Variants in S100Z observed in about 807,000 individuals in gnomAD.
The protein encoded by S100Z is S100 calcium binding protein Z.
In S100Z, 11 loss-of-function variants were observed where a neutral mutation model predicts 8.5. The observed-to-expected ratio is 1.30, with a 90% CI of 0.82 to 2.15. The LOEUF (loss-of-function observed/expected upper bound fraction) is 2.15. S100Z is among the 30% of genes most tolerant of loss of function. The pLI, the probability that S100Z is intolerant of heterozygous loss-of-function variation, is 0.00. For missense variants in S100Z, 126 were observed against 117.9 expected, an observed-to-expected ratio of 1.07 and a Z score of -0.32; for synonymous variants, 34 against 43.8, an observed-to-expected ratio of 0.78 and a Z score of 0.89.
At chr5:76,949,493 T>C in the S100Z span, among the ~76,000 whole-genome samples, 1 of 152,218 alleles carries the variant, frequency 6.6e-6, no homozygotes, top group African/African-American at 2.4e-5. Flanking sequence ...GAAATCAGTA[T>C]GTTGAAGACA....
rs1332763673 is a variant in S100Z at position 76,850,333 on chromosome 5, GGGGA to G, written c.-176+180_-176+183del. On this transcript the variant is annotated intron_variant, in intron 1 of 4. Coordinates refer to ENST00000317593, the MANE Select transcript of S100Z (RefSeq NM_130772.4). ...TGGCCACAAAGGGGTCGGGGGGGTG[GGGGA>G]GAGAGAGAGAGAGAGAGAGAGGGAG... is the stretch of plus-strand genomic sequence containing the variant. Among the ~76,000 whole-genome samples, 53 of 122,592 alleles carry G rather than the reference GGGGA, an allele frequency of 4.3e-4. No homozygotes were observed. The South Asian group carries it at 0.011, about 25-fold the overall frequency. The allele number at this position is 122,592 out of a possible 152,430, so 80.4% of individuals were successfully genotyped here. A position where few individuals can be genotyped will look rare whatever the true frequency, so the allele number is the denominator to read the frequency against.
chr5:76,879,537 C>T (rs554693062), intron 4 of S100Z, among the ~76,000 whole-genome samples: 1 of 152,080 alleles, frequency 6.6e-6, no homozygotes, highest in Non-Finnish European at 1.5e-5. Flanking sequence ...TATTGGACAT[C>T]CAGGTGGAGA....
At chr5:76,883,862 AGGAGTTTCT>A (rs1743499449) in intron 4 of S100Z, among the ~76,000 whole-genome samples, 1 of 152,182 alleles carries the variant, frequency 6.6e-6, no homozygotes, top group Admixed American at 6.5e-5. Context: ...CTCCTGGGGA[AGGAGTTTCT>A]GGAGGAACCC....
Position 76,860,701 on chromosome 5 carries a change from GC to G in S100Z, c.-175-9463del, listed in dbSNP as rs903333690. ...TTGTTTAAACTGTGATAAGTTAAAA[GC>G]CTATTATTAATTCTGTTAAGATATT... On this transcript the variant is annotated intron_variant, in intron 1 of 4. Transcript: ENST00000317593. Among the ~76,000 whole-genome samples, 111 of 152,262 alleles carry G rather than the reference GC, an allele frequency of 7.3e-4. 1 individual carries two copies. Among genetic ancestry groups the G allele is most frequent in the African/African-American group, 2.6e-3 (107 of 41,544 alleles).
intron 4 of S100Z, among the ~76,000 whole-genome samples, chr5:76,906,976 G>GTATATA (rs869046562): frequency 2.6e-3 from 57 of 21,708 alleles, no homozygotes; most frequent in African/African-American, 3.6e-3. Context: ...TTGTGTGTGT[G>GTATATA]TATATATATA....
Position 76,883,533 on chromosome 5 carries a change from T to G in S100Z, c.*2+5699T>G, listed in dbSNP as rs1178787007. Among the ~76,000 whole-genome samples the G allele has an allele frequency of 3.3e-5, 5 of 152,126 alleles. No homozygotes were observed. In the East Asian group the frequency reaches 7.7e-4, roughly 23 times the overall value. On this transcript the variant is annotated intron_variant, in intron 4 of 4. Transcript: ENST00000317593. ...CTTTGAAAAGAAGGTAATGTGGAGT[T>G]GGTAGCCTCCTTATTGATTAAGAAG...
downstream of S100Z, among the ~76,000 whole-genome samples, chr5:76,925,818 T>C (rs1277061027): frequency 6.6e-6 from 1 of 151,906 alleles, no homozygotes; most frequent in Admixed American, 6.6e-5. Context: ...AATACAAATT[T>C]TAGCAGGGTG....
intron 1 of S100Z, among the ~76,000 whole-genome samples, chr5:76,854,664 T>A (rs1172197152): frequency 1.3e-5 from 2 of 152,228 alleles, no homozygotes; most frequent in African/African-American, 4.8e-5. Flanking sequence ...TGTAAAAGTT[T>A]GGAAAATTTG....
At chr5:76,910,986 C>T (rs1418596624) in intron 4 of S100Z, among the ~76,000 whole-genome samples, 1 of 152,266 alleles carries the variant, frequency 6.6e-6, no homozygotes, top group Middle Eastern at 3.4e-3. Context: ...GATATATTAG[C>T]CAAGGCTGGA....
chr5:76,906,974 G>GTA (rs1744455090), intron 4 of S100Z, among the ~76,000 whole-genome samples: 4 of 114,718 alleles, frequency 3.5e-5, no homozygotes, highest in African/African-American at 2.2e-4. Flanking sequence ...CATTGTGTGT[G>GTA]TGTATATATA....
At chr5:76,881,633 C>A (rs562084090) in intron 4 of S100Z, among the ~76,000 whole-genome samples, 1 of 152,082 alleles carries the variant, frequency 6.6e-6, no homozygotes, top group Non-Finnish European at 1.5e-5. Context: ...TATGAAATGA[C>A]GATAGACTAG....
At chr5:76,881,174 C>A (rs1052127654) in intron 4 of S100Z, among the ~76,000 whole-genome samples, 8 of 152,092 alleles carry the variant, frequency 5.3e-5, no homozygotes, top group African/African-American at 1.9e-4. Context: ...GAGGTAAAAC[C>A]TGGAGCCACT....
the S100Z span, among the ~76,000 whole-genome samples, chr5:76,941,156 A>G: frequency 6.6e-6 from 1 of 152,308 alleles, no homozygotes; most frequent in South Asian, 2.1e-4. Flanking sequence ...AGTTTCTTGC[A>G]TGACTCAACT....
chr5:76,928,183 A>C, the S100Z span, among the ~76,000 whole-genome samples: 1 of 152,088 alleles, frequency 6.6e-6, no homozygotes, highest in African/African-American at 2.4e-5. Flanking sequence ...CACAATGGAG[A>C]CCTTTATAAA....
chr5:76,917,820 CAA>C (rs10665272), intron 4 of S100Z, among the ~76,000 whole-genome samples: 4 of 130,612 alleles, frequency 3.1e-5, no homozygotes, highest in African/African-American at 2.8e-5. Flanking sequence ...AAGACTGTCT[CAA>C]AAAAAAAAAA....
At chr5:76,931,332 T>C in the S100Z span, among the ~76,000 whole-genome samples, 1 of 152,126 alleles carries the variant, frequency 6.6e-6, no homozygotes, top group Non-Finnish European at 1.5e-5. Flanking sequence ...AGGCTTGTCT[T>C]GAACTCCTGA....
At chr5:76,867,892 C>A (rs1405055598) in intron 1 of S100Z, among the ~76,000 whole-genome samples, 2 of 152,122 alleles carry the variant, frequency 1.3e-5, no homozygotes, top group African/African-American at 4.8e-5. Context: ...ACAGTCATTA[C>A]CTTTAAGCTC....
chr5:76,860,705 A>G (rs1214206531), intron 1 of S100Z, among the ~76,000 whole-genome samples: 1 of 152,226 alleles, frequency 6.6e-6, no homozygotes, highest in Non-Finnish European at 1.5e-5. Flanking sequence ...TTAAAAGCCT[A>G]TTATTAATTC....
At chr5:76,865,821 T>C (rs1751254452) in intron 1 of S100Z, among the ~76,000 whole-genome samples, 1 of 150,592 alleles carries the variant, frequency 6.6e-6, no homozygotes, top group Admixed American at 6.6e-5. Context: ...GAGACCAGCC[T>C]GGCCAACATG....
Sources: gnomAD v4.1 joint callset for allele counts (sites outside exome capture counted in the v4.1 genomes callset) on GRCh38, gnomAD v4.1.1 for gene constraint, MANE v1.5 for transcripts, NCBI Gene and HGNC (gene_info 2026-07-23, HGNC 2026-07-21) for gene names.